SCRG1: variants seen among roughly 807,000 people sequenced by gnomAD.
SCRG1 encodes stimulator of chondrogenesis 1.
SCRG1 carries 3 observed loss-of-function variants against 7.7 expected under a neutral mutation model. The observed-to-expected ratio is 0.39, with a 90% CI of 0.18 to 1.01. SCRG1 has a LOEUF of 1.01. SCRG1 is among the 50% of genes least tolerant of loss of function. SCRG1 has a pLI of 0.36. For missense variants in SCRG1, 110 were observed against 117.2 expected (o/e 0.94, Z 0.28); for synonymous variants, 46 against 41.2 (o/e 1.12, Z -0.44).
the SCRG1 span, among the ~76,000 whole-genome samples, chr4:173,499,095 T>C: frequency 6.6e-6 from 1 of 152,224 alleles, no homozygotes; most frequent in African/African-American, 2.4e-5. This position sits in a 1 kb window ranked among gnomAD's most constrained non-coding sequence, Gnocchi z 4.1. Context: ...CCCCTGCCTT[T>C]AATATTAATT....
At chr4:173,422,913 A>C in the SCRG1 span, among the ~76,000 whole-genome samples, 1 of 152,200 alleles carries the variant, frequency 6.6e-6, no homozygotes, top group Non-Finnish European at 1.5e-5. Context: ...TCTATCAGAG[A>C]TGATCTAAAT....
At chr4:173,456,220 C>T in the SCRG1 span, among the ~76,000 whole-genome samples, 2 of 152,190 alleles carry the variant, frequency 1.3e-5, no homozygotes, top group African/African-American at 4.8e-5. Flanking sequence ...TCTATGTACA[C>T]AGAATTCGAA....
At chr4:173,431,474 T>G in the SCRG1 span, among the ~76,000 whole-genome samples, 1 of 152,148 alleles carries the variant, frequency 6.6e-6, no homozygotes, top group Non-Finnish European at 1.5e-5. Context: ...AAGGCAAAAA[T>G]ACACAAATAT....
At chr4:173,408,520 T>A (rs1739968223), upstream of SCRG1, among the ~76,000 whole-genome samples, 1 of 152,176 alleles carries the variant, frequency 6.6e-6, no homozygotes. Context: ...TTTAAGTGAT[T>A]TATTATGTGT....
At chr4:173,483,979 T>C in the SCRG1 span, among the ~76,000 whole-genome samples, 19 of 38,858 alleles carry the variant, frequency 4.9e-4, no homozygotes, top group African/African-American at 1.2e-3. Context: ...ATATAATATA[T>C]AGTATATTAT....
chr4:173,419,514 G>T, the SCRG1 span: 7 of 740,676 alleles, frequency 9.5e-6, no homozygotes, highest in Admixed American at 9.3e-5. Flanking sequence ...ATTAAGTAGC[G>T]CAGGTCATCT....
At chr4:173,496,967 G>A in the SCRG1 span, among the ~76,000 whole-genome samples, 3 of 152,036 alleles carry the variant, frequency 2.0e-5, no homozygotes, top group Non-Finnish European at 4.4e-5. Context: ...TTAGCCAGGT[G>A]TGGTGGTGGG....
chr4:173,510,127 A>C, the SCRG1 span, among the ~76,000 whole-genome samples: 1 of 152,156 alleles, frequency 6.6e-6, no homozygotes, highest in African/African-American at 2.4e-5. The surrounding 1 kb of genome is among the most constrained non-coding windows in gnomAD (Gnocchi z 5.7). Context: ...TTCAGGGCCC[A>C]AAAGTGATTA....
chr4:173,473,175 T>C, the SCRG1 span, among the ~76,000 whole-genome samples: 4 of 152,354 alleles, frequency 2.6e-5, no homozygotes, highest in South Asian at 6.2e-4. Flanking sequence ...ATCTACTATA[T>C]GCTAGGCACT....
At chr4:173,444,691 G>A in the SCRG1 span, among the ~76,000 whole-genome samples, 1 of 152,160 alleles carries the variant, frequency 6.6e-6, no homozygotes, top group South Asian at 2.1e-4. Flanking sequence ...GAAATCTAGT[G>A]GGGACCTCTA....
At chr4:173,500,328 C>G in the SCRG1 span, among the ~76,000 whole-genome samples, 8 of 152,330 alleles carry the variant, frequency 5.3e-5, no homozygotes, top group Non-Finnish European at 8.8e-5. Context: ...GCGGGGTGCA[C>G]CCGGAGGCCT....
the SCRG1 span, among the ~76,000 whole-genome samples, chr4:173,414,584 C>T: frequency 6.6e-6 from 1 of 152,162 alleles, no homozygotes; most frequent in Admixed American, 6.5e-5. Context: ...CCCTCATGCC[C>T]TCTTGATCAT....
intron 1 of SCRG1, among the ~76,000 whole-genome samples, chr4:173,394,644 C>CAA (rs745945312): frequency 1.6e-5 from 2 of 126,432 alleles, no homozygotes; most frequent in Non-Finnish European, 3.7e-5. Context: ...GACTCCGTCT[C>CAA]AAAAAAAAAA....
chr4:173,420,319 G>C, the SCRG1 span, among the ~76,000 whole-genome samples: 1 of 152,144 alleles, frequency 6.6e-6, no homozygotes, highest in Non-Finnish European at 1.5e-5. Flanking sequence ...AATGTTTATA[G>C]TTTGAATGTC....
At chr4:173,499,593 A>G in the SCRG1 span, among the ~76,000 whole-genome samples, 1 of 152,220 alleles carries the variant, frequency 6.6e-6, no homozygotes, top group African/African-American at 2.4e-5. The surrounding 1 kb of genome is among the most constrained non-coding windows in gnomAD (Gnocchi z 4.1). Context: ...TCCCCCACCC[A>G]CTACTGAACA....
At chr4:173,492,244 G>A in the SCRG1 span, among the ~76,000 whole-genome samples, 2 of 152,174 alleles carry the variant, frequency 1.3e-5, no homozygotes, top group African/African-American at 2.4e-5. Context: ...ACTCTAAAAA[G>A]TTGCTGTTTT....
the SCRG1 span, among the ~76,000 whole-genome samples, chr4:173,498,460 G>A: frequency 6.6e-6 from 1 of 152,212 alleles, no homozygotes; most frequent in Non-Finnish European, 1.5e-5. Context: ...TCTGTGACCT[G>A]AAGAAATCAG....
chr4:173,390,789 T>C (rs990648624), intron 2 of SCRG1, among the ~76,000 whole-genome samples: 1 of 152,148 alleles, frequency 6.6e-6, no homozygotes, highest in African/African-American at 2.4e-5. Context: ...GGGCCCAGCC[T>C]CACTGGGATC....
the SCRG1 span, among the ~76,000 whole-genome samples, chr4:173,463,483 A>G: frequency 6.6e-6 from 1 of 152,070 alleles, no homozygotes; most frequent in Non-Finnish European, 1.5e-5. Flanking sequence ...TATGTTGGCC[A>G]GGCCGGTCTC....
Sources: allele counts gnomAD v4.1 joint callset (sites outside exome capture counted in the v4.1 genomes callset), GRCh38; gene constraint gnomAD v4.1.1; non-coding constraint Gnocchi (gnomAD v3.1); transcripts MANE v1.5; gene names NCBI Gene and HGNC (gene_info 2026-07-23, HGNC 2026-07-21).